PPP1R35: variants seen among roughly 807,000 people sequenced by gnomAD.
PPP1R35 encodes the protein UPF0683 protein C7orf47.
PPP1R35 carries 23 observed loss-of-function variants against 22.2 expected under a neutral mutation model. The ratio of observed to expected loss-of-function variants is 1.04; its 90% CI spans 0.75 to 1.47. The LOEUF is 1.47. Among genes scored for constraint, PPP1R35 ranks in the 40% most tolerant of loss-of-function variants. The pLI is 0.00. For synonymous variants in PPP1R35, 198 were observed against 165.7 expected (o/e 1.19, Z -1.50); for missense variants, 409 against 349.6 (o/e 1.17, Z -1.36).
chr7:100,435,893 TTC>T lies in PPP1R35; in HGVS notation c.404_405del (p.Arg135LysfsTer75). On this transcript the variant is annotated frameshift_variant, in exon 2 of 4. Transcript: ENST00000292330. LOFTEE classifies it high-confidence loss of function. ...DAAKAVEEQL[R>X]KSFQIRCGLE... ...AGGCCGCAGCGGATCTGGAACGACT[TTC>T]TCAGCTGTTCCTCCACGGCCTTCGC... 6.2e-7 allele frequency: 1 copy of T among 1,600,580 alleles called. No homozygotes were observed. The highest frequency in any genetic ancestry group is 8.5e-7 in the Non-Finnish European group (1 of 1,177,708).
upstream of PPP1R35, chr7:100,436,506 C>T (rs1233327981): frequency 3.3e-5 from 19 of 568,292 alleles, no homozygotes; most frequent in Non-Finnish European, 4.7e-5. Flanking sequence ...TTAACCCTTT[C>T]CTTCGGGGGC....
rs368162423 is a variant in PPP1R35, at chr7:100,435,343, C to G, written c.*17G>C. ...TAACACAAAAATACGAACTAGCCCT[C>G]CAGGGATCTTTGGGGTCTACGCTTC... On this transcript the variant is annotated 3_prime_UTR_variant, in exon 4 of 4. Transcript: ENST00000292330. 1.9e-6 allele frequency: 3 copies of G among 1,573,984 alleles called. No homozygotes were observed. Among genetic ancestry groups the G allele is most frequent in the East Asian group, 4.5e-5 (2 of 44,494 alleles).
In PPP1R35 at chr7:100,436,258, C is replaced by A. The variant is rs755124627; in HGVS notation, c.117G>T (p.Glu39Asp). 3.8e-6 allele frequency: 5 copies of A among 1,326,608 alleles called. No individual in the cohort carries two copies. In the Admixed American group the frequency reaches 1.5e-4, roughly 41 times the overall value. The allele number at this position is 1,326,608 out of a possible 1,614,324, so 82.2% of individuals were successfully genotyped here. A position where few individuals can be genotyped will look rare whatever the true frequency, so the allele number is the denominator to read the frequency against. The change falls in exon 1 of 4, where the codon GAG becomes GAT. Residue 39 changes from glutamate to aspartate, a missense_variant. Coordinates refer to ENST00000292330, the MANE Select transcript of PPP1R35 (RefSeq NM_145030.4). ...GGCTCAGGCTCAAGTCCAGGCCGGG[C>A]TCGGGCACTGGGGCTCGGAGTTGCG... ...QVPQLRAPVP[E>D]PGLDLSLSPR...
At position 100,436,126 on chromosome 7, in the gene PPP1R35, GCCTCCCCCGCTCA is replaced by G; in HGVS notation, c.234+2_234+14del. On this transcript the variant is annotated splice_donor_variant and splice_donor_5th_base_variant and intron_variant, in intron 1 of 3. Coordinates refer to ENST00000292330, the MANE Select transcript of PPP1R35 (RefSeq NM_145030.4). LOFTEE classifies it high-confidence loss of function. ...CGAGGCCGTCGCGGGCCGGGGGCCA[GCCTCCCCCGCTCA>G]CCTGCCGCCGCTGCCGAGCCGCGCC... 2 of 1,362,016 alleles carry G rather than the reference GCCTCCCCCGCTCA, an allele frequency of 1.5e-6. No homozygotes were observed. The highest frequency in any genetic ancestry group is 9.4e-7 in the Non-Finnish European group (1 of 1,063,224). The allele number at this position is 1,362,016 out of a possible 1,614,324, so 84.4% of individuals were successfully genotyped here.
Position 100,436,376 on chromosome 7 carries a change from T to A in PPP1R35, c.-2A>T, listed in dbSNP as rs74997535. 1.5e-4 allele frequency: 229 copies of A among 1,498,728 alleles called. No individual in the cohort carries two copies. The East Asian group carries it at 4.2e-3, about 27-fold the overall frequency. 92.8% of individuals were successfully genotyped at this position (1,498,728 alleles called of 1,614,324 possible). ...TGACTCCCCACAACCCATCATCATCTTTGGAGGTGCCTTGAGGGTGCGGGG... is the reference window on the plus strand; with the variant it reads ...TGACTCCCCACAACCCATCATCATCATTGGAGGTGCCTTGAGGGTGCGGGG... On this transcript the variant is annotated 5_prime_UTR_variant, in exon 1 of 4. The change creates a new upstream start codon in the 5' untranslated region. Transcript: ENST00000292330.
At position 100,435,981 on chromosome 7, in the gene PPP1R35, C is replaced by A. The variant is rs1432736213; in HGVS notation, c.318G>T (p.Leu106=). The A allele has an allele frequency of 1.3e-6, 2 of 1,569,236 alleles. No individual in the cohort carries two copies. Among genetic ancestry groups the A allele is most frequent in the African/African-American group, 2.7e-5 (2 of 74,226 alleles). Residue 106 remains leucine (L), a synonymous_variant, in exon 2 of 4, where the codon CTG becomes CTT. Transcript: ENST00000292330. ...CCAGGCCCAAGGCCAGGCTGCTCTT[C>A]AGCACGGGCATCTCCAGCTCCTGCG... The part of the protein sequence containing the change: ...AVPQELEMPV[L]KSSLALGLEL...
At position 100,436,077 on chromosome 7, in the gene PPP1R35, G is replaced by A. The variant is rs577257663; in HGVS notation, c.235-13C>T. ...GGCGGAAGCGGACCTGGGAGCAGAG[G>A]GCAGGGCAGTGACCAGGTGGGCGCG... On this transcript the variant is annotated splice_polypyrimidine_tract_variant and intron_variant, in intron 1 of 3. Coordinates refer to ENST00000292330, the MANE Select transcript of PPP1R35 (RefSeq NM_145030.4). 21 of 1,527,306 alleles carry A rather than the reference G, an allele frequency of 1.4e-5. No homozygotes were observed. Among genetic ancestry groups the A allele is most frequent in the East Asian group, 5.0e-5 (2 of 40,210 alleles). The allele number at this position is 1,527,306 out of a possible 1,614,324, so 94.6% of individuals were successfully genotyped here. A position where few individuals can be genotyped will look rare whatever the true frequency, so the allele number is the denominator to read the frequency against.
At chr7:100,435,818 C>A in intron 2 of PPP1R35, 30 bp downstream of exon 2, 2 of 1,576,878 alleles carry the variant, frequency 1.3e-6, no homozygotes. Context: ...CCCCGACTCC[C>A]GCACGCGGCC....
chr7:100,436,419 G>T lies in PPP1R35; in HGVS notation c.-45C>A, dbSNP rs367894082. On this transcript the variant is annotated 5_prime_UTR_variant, in exon 1 of 4. Transcript: ENST00000292330. ...GTGCGGGGATGCGGGGGTCGCAGAC[G>T]CTCCAACGGTCAGGGGACACAGCCT... is the stretch of plus-strand genomic sequence containing the variant. The T allele has an allele frequency of 4.3e-6, 6 of 1,395,470 alleles. No homozygotes were observed. In the African/African-American group the frequency reaches 8.9e-5, roughly 21 times the overall value. 86.4% of individuals were successfully genotyped at this position (1,395,470 alleles called of 1,614,324 possible). A position where few individuals can be genotyped will look rare whatever the true frequency, so the allele number is the denominator to read the frequency against.
rs765009403 is a variant in PPP1R35 at position 100,435,422 on chromosome 7, G to A, written c.700C>T (p.Arg234Trp). Residue 234 changes from arginine to tryptophan, a missense_variant, in exon 4 of 4, where the codon CGG (arginine) becomes TGG (tryptophan). Coordinates refer to ENST00000292330, the MANE Select transcript of PPP1R35 (RefSeq NM_145030.4). ...AAGGTGTCCTCTGAAGGGCGGGGCC[G>A]GAGTTGAAGTCGGAGAGGGGGCAGA... ...DGLPPLRLQL[R>W]PRPSEDTFLM... 3 of 1,612,624 alleles carry A rather than the reference G, an allele frequency of 1.9e-6. No homozygotes were observed. Among genetic ancestry groups the A allele is most frequent in the Admixed American group, 1.7e-5 (1 of 59,284 alleles).
chr7:100,436,398 G>A lies in PPP1R35; in HGVS notation c.-24C>T. 1 of 1,474,688 alleles carries A rather than the reference G, an allele frequency of 6.8e-7. No individual in the cohort carries two copies. The highest frequency in any genetic ancestry group is 9.1e-7 in the Non-Finnish European group (1 of 1,104,890). The allele number at this position is 1,474,688 out of a possible 1,614,324, so 91.4% of individuals were successfully genotyped here. On this transcript the variant is annotated 5_prime_UTR_variant, in exon 1 of 4. Coordinates refer to ENST00000292330, the MANE Select transcript of PPP1R35 (RefSeq NM_145030.4). ...ATCTTTGGAGGTGCCTTGAGGGTGC[G>A]GGGATGCGGGGGTCGCAGACGCTCC...
rs1344301908 is a variant in PPP1R35, at chr7:100,435,346, G to A, written c.*14C>T. 6.4e-7 allele frequency: 1 copy of A among 1,574,752 alleles called. No homozygotes were observed. Among genetic ancestry groups the A allele is most frequent in the East Asian group, 2.2e-5 (1 of 44,512 alleles). ...CACAAAAATACGAACTAGCCCTCCA[G>A]GGATCTTTGGGGTCTACGCTTCCCA... is the stretch of plus-strand genomic sequence containing the variant. On this transcript the variant is annotated 3_prime_UTR_variant, in exon 4 of 4. Transcript: ENST00000292330.
rs768456596 is a variant in PPP1R35, at chr7:100,435,780, C to A, written c.452-13G>T. Reference sequence around the variant, plus strand: ...GGCACGTTCAGCCCTGAGAGCGCAGCGGGGACGGAGGTGAGTGGCGCGCCT... The same window carrying A: ...GGCACGTTCAGCCCTGAGAGCGCAGAGGGGACGGAGGTGAGTGGCGCGCCT... On this transcript the variant is annotated splice_polypyrimidine_tract_variant and intron_variant, in intron 2 of 3. Coordinates refer to ENST00000292330, the MANE Select transcript of PPP1R35 (RefSeq NM_145030.4). The A allele has an allele frequency of 7.6e-6, 12 of 1,589,010 alleles. No homozygotes were observed. The highest frequency in any genetic ancestry group is 1.0e-5 in the Non-Finnish European group (12 of 1,172,552).
chr7:100,435,909 C>T lies in PPP1R35; in HGVS notation c.390G>A (p.Val130=). ...GGAACGACTTTCTCAGCTGTTCCTC[C>T]ACGGCCTTCGCAGCATCAAAGTGGC... The part of the protein sequence containing the change: ...AGSHFDAAKA[V]EEQLRKSFQI... The change falls in exon 2 of 4, where the codon GTG becomes GTA. Residue 130 remains valine (V), a synonymous_variant. Transcript: ENST00000292330. 1 of 1,601,536 alleles carries T rather than the reference C, an allele frequency of 6.2e-7. No homozygotes were observed. Among genetic ancestry groups the T allele is most frequent in the Non-Finnish European group, 8.5e-7 (1 of 1,178,006 alleles).
At position 100,436,045 on chromosome 7, in the gene PPP1R35, G is replaced by A. The variant is rs537649866; in HGVS notation, c.254C>T (p.Pro85Leu). 3 of 1,537,014 alleles carry A rather than the reference G, an allele frequency of 2.0e-6. No homozygotes were observed. Among genetic ancestry groups the A allele is most frequent in the African/African-American group, 2.7e-5 (2 of 73,162 alleles). Reference protein sequence around the residue: ...QRRQVRFRLTPPSPVRSEPQP... With the variant: ...QRRQVRFRLTLPSPVRSEPQP... ...CGGCTCGGACCGCACCGGGGAGGGCGGCGTCAGGCGGAAGCGGACCTGGGA... is the reference window on the plus strand; with the variant it reads ...CGGCTCGGACCGCACCGGGGAGGGCAGCGTCAGGCGGAAGCGGACCTGGGA... Residue 85 changes from proline (P) to leucine (L), a missense_variant, in exon 2 of 4, where the codon CCG becomes CTG. Pro to Leu is a moderately conservative substitution (Grantham distance 98, BLOSUM62 -3). Coordinates refer to ENST00000292330, the MANE Select transcript of PPP1R35 (RefSeq NM_145030.4).
chr7:100,436,285 G>T lies in PPP1R35; in HGVS notation c.90C>A (p.Val30=). 1 of 1,363,570 alleles carries T rather than the reference G, an allele frequency of 7.3e-7. No individual in the cohort carries two copies. Among genetic ancestry groups the T allele is most frequent in the South Asian group, 2.0e-5 (1 of 49,810 alleles). 84.5% of individuals were successfully genotyped at this position (1,363,570 alleles called of 1,614,324 possible). The change falls in exon 1 of 4, where the codon GTC becomes GTA. Residue 30 remains valine, a synonymous_variant. Transcript: ENST00000292330. ...AVPGPPPEPQ[V]PQLRAPVPEP... is the part of the protein sequence containing the mutation. Reference sequence around the variant, plus strand: ...CGGGCACTGGGGCTCGGAGTTGCGGGACTTGGGGCTCCGGGGGTGGCCCCG... The same window carrying T: ...CGGGCACTGGGGCTCGGAGTTGCGGTACTTGGGGCTCCGGGGGTGGCCCCG...
Position 100,435,635 on chromosome 7 carries a change from G to C in PPP1R35, c.584C>G (p.Pro195Arg), listed in dbSNP as rs754664582. ...CCCACGCCCAGACCCCATCACCTTT[G>C]GGTGCGGGGCTCGAGCCTGTGGCGG... ...LLPPQARAPH[P>R]KEPPGPGPDM... is the part of the protein sequence containing the mutation. The change falls in exon 3 of 4, where the codon CCA (proline) becomes CGA (arginine). Residue 195 changes from proline to arginine, a missense_variant. By Grantham distance (103) the Pro-to-Arg change is moderately radical. Coordinates refer to ENST00000292330, the MANE Select transcript of PPP1R35 (RefSeq NM_145030.4). The C allele has an allele frequency of 8.1e-6, 13 of 1,612,608 alleles. No homozygotes were observed. The African/African-American group carries it at 1.5e-4, about 18-fold the overall frequency.
At chr7:100,436,116 C>T in intron 1 of PPP1R35, 25 bp downstream of exon 1, 1 of 1,409,642 alleles carries the variant, frequency 7.1e-7, no homozygotes, top group Non-Finnish European at 9.2e-7. Flanking sequence ...CCGTCGCGGG[C>T]CGGGGGCCAG....
intron 2 of PPP1R35, 29 bp from the exon 3 acceptor site, chr7:100,435,796 T>G: frequency 6.3e-7 from 1 of 1,586,930 alleles, no homozygotes; most frequent in Non-Finnish European, 8.5e-7. Context: ...CGGAGGTGAG[T>G]GGCGCGCCTC....
Sources: gnomAD v4.1 joint callset for allele counts on GRCh38, gnomAD v4.1.1 for gene constraint, MANE v1.5 for transcripts, NCBI Gene and HGNC (gene_info 2026-07-23, HGNC 2026-07-21) for gene names.